Variants in USP6 observed in about 807,000 individuals in gnomAD.
USP6 encodes ubiquitin specific peptidase 6.
Under a neutral mutation model 175.7 loss-of-function variants are expected in USP6, and 128 were observed. The observed-to-expected ratio is 0.73, with a 90% CI of 0.63 to 0.84. The LOEUF is 0.84. Among genes scored for constraint, USP6 ranks in the 40% least tolerant of loss-of-function variants. The pLI is 0.00. For synonymous variants in USP6, 562 were observed against 630.6 expected (o/e 0.89, Z 1.63); for missense variants, 1,498 against 1,760.3 (o/e 0.85, Z 2.67).
Position 5,137,260 on chromosome 17 carries a change from G to T in USP6, c.825+74G>T, listed in dbSNP as rs58049897. The T allele has an allele frequency of 0.012, 18,501 of 1,566,942 alleles. 1,743 individuals are homozygous for T. In the African/African-American group the frequency reaches 0.21, roughly 18 times the overall value. The stretch of plus-strand genomic sequence containing the variant: ...AGTGCCGTGCTTCCCCAGCCCGGGG[G>T]TCTGGCTCACTCCCAGCCCACAGGA... On this transcript the variant is annotated intron_variant, in intron 19 of 37. Transcript: ENST00000574788.
chr17:5,155,631 C>T, intron 31 of USP6, 25 bp downstream of exon 31: 1 of 1,591,840 alleles, frequency 6.3e-7, no homozygotes, highest in Non-Finnish European at 8.5e-7. Flanking sequence ...TCCATCTAAA[C>T]CTGTGGTTTC....
rs917950543 is a variant in USP6 at position 5,123,385 on chromosome 17, C to CGGCGT, written c.-1298-1166_-1298-1162dup. ...CGGCCCGGGGGCGGCTCAGCAGGCC[C>CGGCGT]GGCGTGGCGTGGCGTGGCGCGGCGG... On this transcript the variant is annotated intron_variant, in intron 4 of 37. Transcript: ENST00000574788. 5.9e-4 allele frequency among the ~76,000 whole-genome samples: 90 copies of CGGCGT among 151,786 alleles called. 2 individuals carry two copies. The highest frequency in any genetic ancestry group is 1.7e-3 in the South Asian group (8 of 4,812).
rs1381158759 is a variant in USP6 at position 5,155,560 on chromosome 17, G to T, written c.2782G>T (p.Ala928Ser). 6.2e-6 allele frequency: 10 copies of T among 1,613,864 alleles called. 1 individual carries two copies. In the South Asian group the frequency reaches 8.8e-5, roughly 14 times the overall value. ...DAVWIQVSWL[A>S]RPLPPQEASI... is the part of the protein sequence containing the mutation. ...GGTTTGGATTCAAGTATCCTGGTTA[G>T]CAAGACCACTCCCACCTCAGGAAGC... The change falls in exon 31 of 38, where the codon GCA becomes TCA. Residue 928 changes from alanine (A) to serine (S), a missense_variant. Physicochemically the swap from Ala to Ser is moderately conservative, Grantham distance 99. Around this residue, in one of 2 missense-constraint regions of USP6, gnomAD observed 1,217 missense variants for 1,500.8 expected, o/e 0.81. Coordinates refer to ENST00000574788, the MANE Select transcript of USP6 (RefSeq NM_001304284.2).
chr17:5,145,510 C>T lies in USP6; in HGVS notation c.2098C>T (p.Arg700Ter), dbSNP rs1429504191. The T allele has an allele frequency of 1.3e-5, 21 of 1,611,830 alleles. No individual in the cohort carries two copies. Among genetic ancestry groups the T allele is most frequent in the East Asian group, 8.9e-5 (4 of 44,746 alleles). Residue 700 changes from arginine (R) to a stop codon, truncating the protein, a stop_gained, in exon 27 of 38, where the codon CGA (arginine) becomes TGA (stop). Transcript: ENST00000574788. LOFTEE classifies it high-confidence loss of function. ...CAAGACATGTGGGCATATAAGTGTC[C>T]GATTTGACCCTTTCAATTTTTTGTC... ...KCKTCGHISV[R>*]FDPFNFLSLP...
At chr17:5,122,313 C>T (rs1212964525) in intron 4 of USP6, among the ~76,000 whole-genome samples, 5 of 151,960 alleles carry the variant, frequency 3.3e-5, no homozygotes, top group South Asian at 2.1e-4. Flanking sequence ...TTTCTGGTTC[C>T]GATGACTGTG....
intron 2 of USP6, among the ~76,000 whole-genome samples, chr17:5,119,688 A>G (rs2072608292): frequency 6.6e-6 from 1 of 152,244 alleles, no homozygotes; most frequent in Non-Finnish European, 1.5e-5. Context: ...TGAGTAACTC[A>G]GTGTAAGAAC....
At chr17:5,151,967 G>A (rs538882694) in intron 30 of USP6, among the ~76,000 whole-genome samples, 4 of 152,180 alleles carry the variant, frequency 2.6e-5, no homozygotes, top group South Asian at 2.1e-4. Context: ...GGCTGGGTGC[G>A]GTGGCTCATG....
intron 30 of USP6, among the ~76,000 whole-genome samples, chr17:5,154,476 A>G (rs2073838832): frequency 6.6e-6 from 1 of 152,200 alleles, no homozygotes; most frequent in South Asian, 2.1e-4. Flanking sequence ...AATATCATAA[A>G]TGTCTCTTTA....
Position 5,137,138 on chromosome 17 carries a change from C to A in USP6, c.777C>A (p.Cys259Ter), listed in dbSNP as rs761821198. 1 of 1,613,302 alleles carries A rather than the reference C, an allele frequency of 6.2e-7. No homozygotes were observed. The highest frequency in any genetic ancestry group is 8.5e-7 in the Non-Finnish European group (1 of 1,179,460). Reference sequence around the variant, plus strand: ...CCCATCAGGACAAGGAAGGTCTATGCGGGCAGTGTGCCTCGTTAGGCTGCC... The same window carrying A: ...CCCATCAGGACAAGGAAGGTCTATGAGGGCAGTGTGCCTCGTTAGGCTGCC... ...TMWHQDKEGL[C>*]GQCASLGCLL... Residue 259 changes from cysteine to a stop codon, truncating the protein, a stop_gained, in exon 19 of 38, where the codon TGC becomes TGA. Transcript: ENST00000574788. LOFTEE classifies it high-confidence loss of function.
chr17:5,137,671 G>T lies in USP6; in HGVS notation c.846G>T (p.Leu282=), dbSNP rs1403945098. The T allele has an allele frequency of 6.2e-7, 1 of 1,606,560 alleles. No individual in the cohort carries two copies. The highest frequency in any genetic ancestry group is 1.3e-5 in the African/African-American group (1 of 74,776). Residue 282 remains leucine, a synonymous_variant, in exon 20 of 38, where the codon CTG becomes CTT. Coordinates refer to ENST00000574788, the MANE Select transcript of USP6 (RefSeq NM_001304284.2). ...LIDGISLGLT[L]RLWDVYLVEG... ...CACAGATCTCTCTCGGGCTCACCCT[G>T]CGCCTGTGGGACGTGTATTTGGTGG...
chr17:5,155,471 T>C lies in USP6; in HGVS notation c.2693T>C (p.Leu898Pro). The change falls in exon 31 of 38, where the codon CTC (leucine) becomes CCC (proline). Residue 898 changes from leucine (L) to proline (P), a missense_variant. By Grantham distance (98) the Leu-to-Pro change is moderately conservative. This residue lies in a region of USP6 where 1,217 missense variants were observed against 1,500.8 expected (regional missense o/e 0.81). Coordinates refer to ENST00000574788, the MANE Select transcript of USP6 (RefSeq NM_001304284.2). ...TCACCTCAGGAGAATCGCCCCAGCCTCTTTGGAATGCCATTGATTGTTCCA... is the reference window on the plus strand; with the variant it reads ...TCACCTCAGGAGAATCGCCCCAGCCCCTTTGGAATGCCATTGATTGTTCCA... ...FLSPQENRPSLFGMPLIVPCT... is the reference protein window; with the variant it reads ...FLSPQENRPSPFGMPLIVPCT... 1 of 1,614,126 alleles carries C rather than the reference T, an allele frequency of 6.2e-7. No homozygotes were observed.
chr17:5,140,919 A>G (rs553726693), intron 22 of USP6, among the ~76,000 whole-genome samples: 6 of 152,304 alleles, frequency 3.9e-5, no homozygotes, highest in African/African-American at 1.4e-4. Context: ...TCTAGGCCTC[A>G]ATATCCATCA....
At chr17:5,163,656 G>A (rs1279863727) in intron 33 of USP6, among the ~76,000 whole-genome samples, 2 of 152,182 alleles carry the variant, frequency 1.3e-5, no homozygotes, top group African/African-American at 2.4e-5. Flanking sequence ...ATTAATAAGT[G>A]AATCTTGAAA....
rs1280589635 is a variant in USP6 at position 5,173,199 on chromosome 17, T to C, written c.*221T>C. 3.5e-6 allele frequency: 2 copies of C among 569,340 alleles called. No individual in the cohort carries two copies. Among genetic ancestry groups the C allele is most frequent in the Non-Finnish European group, 5.9e-6 (2 of 341,398 alleles). The allele number at this position is 569,340 out of a possible 1,614,324, so 35.3% of individuals were successfully genotyped here. On this transcript the variant is annotated 3_prime_UTR_variant, in exon 38 of 38. Transcript: ENST00000574788. Reference sequence around the variant, plus strand: ...GAGAACTTTCAGGCAGATCCCACCATTAGCCTGTAAACAAAAGGTGTGGCA... The same window carrying C: ...GAGAACTTTCAGGCAGATCCCACCACTAGCCTGTAAACAAAAGGTGTGGCA...
chr17:5,142,088 A>G lies in USP6; in HGVS notation c.1659A>G (p.Thr553=), dbSNP rs768975668. The change falls in exon 24 of 38, where the codon ACA becomes ACG. Residue 553 remains threonine (T), a synonymous_variant. Transcript: ENST00000574788. ...MNSSIQCVSN[T]QPLTQYFISG... is the part of the protein sequence containing the mutation. ...CAAGCATCCAGTGCGTTAGTAACAC[A>G]CAGCCACTGACACAGTATTTTATCT... is the stretch of plus-strand genomic sequence containing the variant. 4.3e-6 allele frequency: 7 copies of G among 1,613,742 alleles called. No homozygotes were observed. Among genetic ancestry groups the G allele is most frequent in the South Asian group, 1.1e-5 (1 of 91,056 alleles).
chr17:5,125,653 CACAA>C (rs1327554985), intron 5 of USP6, among the ~76,000 whole-genome samples, 164 bp from the exon 6 acceptor site: 1 of 80,838 alleles, frequency 1.2e-5, no homozygotes, highest in East Asian at 2.4e-4. Flanking sequence ...CCTTGCAACA[CACAA>C]ACACGCACAC....
intron 31 of USP6, among the ~76,000 whole-genome samples, chr17:5,160,642 C>T (rs2073986780): frequency 6.6e-6 from 1 of 152,144 alleles, no homozygotes; most frequent in South Asian, 2.1e-4. Flanking sequence ...GGACATTTGG[C>T]TTGGTTCCAA....
chr17:5,173,371 C>T lies in USP6; in HGVS notation c.*393C>T. 1 of 231,888 alleles carries T rather than the reference C, an allele frequency of 4.3e-6. No individual in the cohort carries two copies. The highest frequency in any genetic ancestry group is 8.5e-6 in the Non-Finnish European group (1 of 117,446). 14.4% of individuals were successfully genotyped at this position (231,888 alleles called of 1,614,324 possible). On this transcript the variant is annotated 3_prime_UTR_variant, in exon 38 of 38. Transcript: ENST00000574788. ...AAAAAACAAACAATTATAATGTTGT[C>T]TAGGGACGACATGATACGCTACCTC...
intron 11 of USP6, among the ~76,000 whole-genome samples, chr17:5,131,494 G>T (rs1007531379): frequency 2.0e-5 from 3 of 147,976 alleles, no homozygotes; most frequent in Non-Finnish European, 4.5e-5. Flanking sequence ...CAGGGCTGTT[G>T]TCCAGCAGGT....
Sources: allele counts gnomAD v4.1 joint callset (sites outside exome capture counted in the v4.1 genomes callset), GRCh38; gene constraint gnomAD v4.1.1; regional missense constraint gnomAD v4.1.1; transcripts MANE v1.5; gene names NCBI Gene and HGNC (gene_info 2026-07-23, HGNC 2026-07-21).